NELL1: variants seen among roughly 807,000 people sequenced by gnomAD.
The protein encoded by NELL1 is protein kinase C-binding protein NELL1.
In NELL1, 76 loss-of-function variants were observed where a neutral mutation model predicts 107.4. The observed-to-expected ratio is 0.71, with a 90% CI of 0.59 to 0.86. The LOEUF (loss-of-function observed/expected upper bound fraction) is 0.86, where lower values mean the gene tolerates loss of function less well. Ranked by LOEUF, NELL1 falls within the 40% of genes least tolerant of loss-of-function variation. NELL1 has a pLI of 0.00. For synonymous variants in NELL1, 353 were observed against 341.2 expected (o/e 1.03, Z -0.38); for missense variants, 1,024 against 1,005.5 (o/e 1.02, Z -0.25).
intron 14 of NELL1, among the ~76,000 whole-genome samples, chr11:21,232,140 AAAAAAAT>A (rs1858068054): frequency 2.7e-5 from 1 of 37,202 alleles, no homozygotes; most frequent in Admixed American, 4.1e-4. Context: ...TCTCTACTAA[AAAAAAAT>A]AAAAAAAAAA....
chr11:21,529,012 T>A (rs1306694110), intron 15 of NELL1, among the ~76,000 whole-genome samples: 1 of 151,776 alleles, frequency 6.6e-6, no homozygotes. Flanking sequence ...GGGTCTCTCA[T>A]AATAATTAGG....
At chr11:21,432,325 T>A (rs942761818) in intron 15 of NELL1, among the ~76,000 whole-genome samples, 3 of 152,178 alleles carry the variant, frequency 2.0e-5, no homozygotes, top group South Asian at 4.1e-4. Flanking sequence ...GAATATCACA[T>A]ACTAAGATAA....
chr11:20,878,427 C>A (rs1295535387), intron 4 of NELL1, among the ~76,000 whole-genome samples: 1 of 147,048 alleles, frequency 6.8e-6, no homozygotes, highest in Non-Finnish European at 1.5e-5. Context: ...GCTTTTCCTG[C>A]TCTTTCTGAA....
intron 2 of NELL1, among the ~76,000 whole-genome samples, chr11:20,754,911 C>T (rs1006484523): frequency 2.0e-5 from 3 of 152,116 alleles, no homozygotes; most frequent in African/African-American, 7.2e-5. Context: ...GTCTTTTAGA[C>T]TTAGTGAAAA....
chr11:21,271,295 A>T (rs1848734571), intron 14 of NELL1, among the ~76,000 whole-genome samples: 1 of 152,190 alleles, frequency 6.6e-6, no homozygotes, highest in African/African-American at 2.4e-5. Context: ...ATCAGTAATG[A>T]AAAAGAGGAT....
At chr11:20,923,999 T>C (rs1850436582) in intron 7 of NELL1, among the ~76,000 whole-genome samples, 3 of 152,192 alleles carry the variant, frequency 2.0e-5, no homozygotes. Context: ...TATGTAGAGT[T>C]CAGAATAAAT....
At chr11:21,268,212 G>T (rs536897858) in intron 14 of NELL1, among the ~76,000 whole-genome samples, 2 of 152,204 alleles carry the variant, frequency 1.3e-5, no homozygotes, top group South Asian at 2.1e-4. Flanking sequence ...ATAGACTAAT[G>T]TGAGTGTTTA....
chr11:21,307,993 C>CAAAAT (rs1198667243), intron 14 of NELL1, among the ~76,000 whole-genome samples: 2 of 151,898 alleles, frequency 1.3e-5, no homozygotes, highest in Non-Finnish European at 2.9e-5. Flanking sequence ...TCATATGGAA[C>CAAAAT]AAAATGCTAA....
chr11:21,572,541 A>C (rs971804695), intron 18 of NELL1, among the ~76,000 whole-genome samples: 1 of 139,290 alleles, frequency 7.2e-6, no homozygotes, highest in Non-Finnish European at 1.5e-5. Context: ...GAGGATGCAT[A>C]GTGAAATAGT....
At chr11:20,912,895 A>G (rs1056080895) in intron 5 of NELL1, among the ~76,000 whole-genome samples, 6 of 152,178 alleles carry the variant, frequency 3.9e-5, no homozygotes, top group Non-Finnish European at 8.8e-5. Context: ...GCAGAAAGTC[A>G]AAGTCACAGA....
At chr11:21,120,741 AT>A (rs1855348802) in intron 13 of NELL1, among the ~76,000 whole-genome samples, 1 of 152,300 alleles carries the variant, frequency 6.6e-6, no homozygotes, top group African/African-American at 2.4e-5. Flanking sequence ...ACCAGAAACT[AT>A]TTATTGATAT....
At chr11:20,735,110 T>G (rs973692799) in intron 2 of NELL1, among the ~76,000 whole-genome samples, 7 of 152,126 alleles carry the variant, frequency 4.6e-5, no homozygotes, top group African/African-American at 1.7e-4. Context: ...AGAACCAATT[T>G]GGAACTTCAA....
Position 21,454,255 on chromosome 11 carries a change from A to G in NELL1, c.1646-80119A>G, listed in dbSNP as rs1046834579. ...CATCCATGTCCCTACAAAGGACATG[A>G]ACTCATCATTTTTTATGGCTGCATA... On this transcript the variant is annotated intron_variant, in intron 15 of 19. Coordinates refer to ENST00000357134, the MANE Select transcript of NELL1 (RefSeq NM_006157.5). Among the ~76,000 whole-genome samples the G allele has an allele frequency of 6.0e-5, 9 of 149,912 alleles. No homozygotes were observed. The South Asian group carries it at 1.1e-3, about 18-fold the overall frequency.
rs187929479 is a variant in NELL1 at position 21,432,246 on chromosome 11, T to C, written c.1645+61298T>C. ...TTTGACTTTTCAGCTGTTTGGTTTG[T>C]TTTAATGACAGTGAAGACAAGGTTT... On this transcript the variant is annotated intron_variant, in intron 15 of 19. Coordinates refer to ENST00000357134, the MANE Select transcript of NELL1 (RefSeq NM_006157.5). Among the ~76,000 whole-genome samples, 8 of 152,280 alleles carry C rather than the reference T, an allele frequency of 5.3e-5. No individual in the cohort carries two copies. The East Asian group carries it at 1.4e-3, about 26-fold the overall frequency.
At chr11:21,342,305 A>G (rs866216078) in intron 14 of NELL1, among the ~76,000 whole-genome samples, 3 of 151,426 alleles carry the variant, frequency 2.0e-5, no homozygotes, top group Non-Finnish European at 1.5e-5. Context: ...TCACTTTAAC[A>G]TGGGTGCAAT....
At chr11:20,720,310 C>T (rs573821602) in intron 2 of NELL1, among the ~76,000 whole-genome samples, 84 of 151,178 alleles carry the variant, frequency 5.6e-4, no homozygotes, top group African/African-American at 1.8e-3. Flanking sequence ...AGGGTTCAAG[C>T]GATTCTCCTG....
intron 13 of NELL1, among the ~76,000 whole-genome samples, chr11:21,192,961 T>G: frequency 6.6e-6 from 1 of 151,844 alleles, no homozygotes; most frequent in East Asian, 1.9e-4. Context: ...TGTAGAGCTT[T>G]TAATGATTGT....
intron 2 of NELL1, among the ~76,000 whole-genome samples, chr11:20,749,812 A>T (rs1856092649): frequency 6.6e-6 from 1 of 152,180 alleles, no homozygotes; most frequent in African/African-American, 2.4e-5. Flanking sequence ...GATGAATAGA[A>T]TACTACTATT....
intron 14 of NELL1, among the ~76,000 whole-genome samples, chr11:21,264,071 G>GGGGTGTGTGTGTGTGTGTGT (rs1554989861): frequency 3.6e-5 from 5 of 139,436 alleles, no homozygotes; most frequent in African/African-American, 1.1e-4. Context: ...TCTACAATGG[G>GGGGTGTGTGTGTGTGTGTGT]GTGTGTGTGT....
Sources: gnomAD v4.1 joint callset for allele counts (sites outside exome capture counted in the v4.1 genomes callset) on GRCh38, gnomAD v4.1.1 for gene constraint, MANE v1.5 for transcripts, NCBI Gene and HGNC (gene_info 2026-07-23, HGNC 2026-07-21) for gene names.